The following TLL1 variants were observed in gnomAD, a reference collection of about 807,000 sequenced individuals.
TLL1 encodes tolloid like 1.
TLL1 carries 49 observed loss-of-function variants against 128.2 expected under a neutral mutation model. The observed-to-expected ratio is 0.38, with a 90% CI of 0.30 to 0.48. The LOEUF is 0.48. Ranked by LOEUF, TLL1 falls within the 20% of genes least tolerant of loss-of-function variation. The pLI is 0.96. For synonymous variants in TLL1, 454 were observed against 418.8 expected (o/e 1.08, Z -1.03); for missense variants, 1,123 against 1,242.0 (o/e 0.90, Z 1.44).
At chr4:166,037,114 G>A (rs1404021676) in intron 9 of TLL1, among the ~76,000 whole-genome samples, 2 of 152,096 alleles carry the variant, frequency 1.3e-5, no homozygotes, top group Non-Finnish European at 2.9e-5. Context: ...AAACCTTGGT[G>A]GTTGCTATAG....
intron 1 of TLL1, among the ~76,000 whole-genome samples, chr4:165,910,181 T>A (rs1396256128): frequency 6.6e-6 from 1 of 152,102 alleles, no homozygotes; most frequent in South Asian, 2.1e-4. Context: ...TAAGGCTTAG[T>A]GTGTTTCTGA....
In TLL1 at chr4:165,995,065, C is replaced by T. The variant is rs1167249427; in HGVS notation, c.519C>T (p.Ser173=). ...AACATCACACATTTTTTCTAGGCAGCCAGAGAGCCATGTTCAAGCAGGCCA... is the reference window on the plus strand; with the variant it reads ...AACATCACACATTTTTTCTAGGCAGTCAGAGAGCCATGTTCAAGCAGGCCA... ...PYVIGGNFTG[S]QRAMFKQAMR... is the part of the protein sequence containing the mutation. Residue 173 remains serine (S), a synonymous_variant, in exon 5 of 21, where the codon AGC becomes AGT. Transcript: ENST00000061240. 1.9e-6 allele frequency: 3 copies of T among 1,613,064 alleles called. No homozygotes were observed. Among genetic ancestry groups the T allele is most frequent in the Admixed American group, 1.7e-5 (1 of 59,888 alleles).
chr4:165,903,866 A>C (rs1732125447), intron 1 of TLL1, among the ~76,000 whole-genome samples: 1 of 152,112 alleles, frequency 6.6e-6, no homozygotes, highest in African/African-American at 2.4e-5. Context: ...TCATGGGTGG[A>C]TGCTTACTTC....
At chr4:166,028,309 A>C (rs1382694144) in intron 9 of TLL1, among the ~76,000 whole-genome samples, 1 of 151,962 alleles carries the variant, frequency 6.6e-6, no homozygotes, top group African/African-American at 2.4e-5. Flanking sequence ...TTTTTTCAGT[A>C]ATGTGTTTTT....
At chr4:165,922,142 C>T (rs1733068101) in intron 1 of TLL1, among the ~76,000 whole-genome samples, 1 of 152,124 alleles carries the variant, frequency 6.6e-6, no homozygotes, top group African/African-American at 2.4e-5. Flanking sequence ...TGACCTATGC[C>T]AAGAACACTG....
intron 12 of TLL1, among the ~76,000 whole-genome samples, 154 bp from the exon 13 acceptor site, chr4:166,054,922 T>C (rs956497463): frequency 1.1e-4 from 16 of 152,188 alleles, no homozygotes; most frequent in African/African-American, 3.4e-4. Flanking sequence ...GATATTACAG[T>C]GTACGTTCAT....
chr4:166,021,356 A>G (rs1401662551), intron 8 of TLL1, among the ~76,000 whole-genome samples: 7 of 151,438 alleles, frequency 4.6e-5, no homozygotes, highest in Admixed American at 3.9e-4. Flanking sequence ...ACTGTGGGGA[A>G]CATTGTTGCC....
rs562208153 is a variant in TLL1, at chr4:165,980,881, T to C, written c.170-8500T>C. Among the ~76,000 whole-genome samples, 35 of 152,240 alleles carry C rather than the reference T, an allele frequency of 2.3e-4. No homozygotes were observed. In the South Asian group the frequency reaches 6.2e-3, roughly 27 times the overall value. On this transcript the variant is annotated intron_variant, in intron 1 of 20. Transcript: ENST00000061240. ...ACATTATAATGATAATTAAATTGTCTCAATGTCTGAGTAAAATAAAATGTT... is the reference window on the plus strand; with the variant it reads ...ACATTATAATGATAATTAAATTGTCCCAATGTCTGAGTAAAATAAAATGTT...
chr4:165,888,133 TA>T (rs1731244961), intron 1 of TLL1, among the ~76,000 whole-genome samples: 1 of 152,178 alleles, frequency 6.6e-6, no homozygotes, highest in African/African-American at 2.4e-5. Flanking sequence ...TTAATTTAAT[TA>T]TTTTTTTGCT....
intron 12 of TLL1, among the ~76,000 whole-genome samples, chr4:166,043,649 A>G (rs553646904): frequency 6.6e-6 from 1 of 152,278 alleles, no homozygotes; most frequent in South Asian, 2.1e-4. Context: ...TATCTGTGCT[A>G]TTTGAATTAG....
chr4:166,057,815 C>G (rs1226145220), intron 14 of TLL1, among the ~76,000 whole-genome samples: 2 of 152,072 alleles, frequency 1.3e-5, no homozygotes, highest in African/African-American at 4.8e-5. Context: ...ATCGTGAGAA[C>G]AGCATGGAAA....
At position 166,003,387 on chromosome 4, in the gene TLL1, C is replaced by T; in HGVS notation, c.633-4C>T. 6.2e-7 allele frequency: 1 copy of T among 1,613,902 alleles called. No homozygotes were observed. Among genetic ancestry groups the T allele is most frequent in the Non-Finnish European group, 8.5e-7 (1 of 1,179,874 alleles). Reference sequence around the variant, plus strand: ...CACCATCTCCACTTTCTCTTTTATTCCAGATGCTGCTCCTATGTAGGTCGG... The same window carrying T: ...CACCATCTCCACTTTCTCTTTTATTTCAGATGCTGCTCCTATGTAGGTCGG... On this transcript the variant is annotated splice_region_variant and splice_polypyrimidine_tract_variant and intron_variant, in intron 5 of 20. Coordinates refer to ENST00000061240, the MANE Select transcript of TLL1 (RefSeq NM_012464.5).
At chr4:166,001,958 A>G (rs963971727) in intron 5 of TLL1, among the ~76,000 whole-genome samples, 3 of 152,210 alleles carry the variant, frequency 2.0e-5, no homozygotes, top group Admixed American at 2.0e-4. Context: ...TAGACTGCTC[A>G]TTTGACACAA....
In TLL1 at chr4:166,036,789, CTGTGTGTG is replaced by C. The variant is rs3047083; in HGVS notation, c.1159-2516_1159-2509del. 4.1e-3 allele frequency among the ~76,000 whole-genome samples: 589 copies of C among 145,196 alleles called. 4 individuals are homozygous for C. Among genetic ancestry groups the C allele is most frequent in the African/African-American group, 0.012 (476 of 39,236 alleles). ...TCTGCTTAGAGTTATCCCTATCCAACTGTGTGTGTGTGTGTGTGTGTGTGTGTGTGTGT... is the reference window on the plus strand; with the variant it reads ...TCTGCTTAGAGTTATCCCTATCCAACTGTGTGTGTGTGTGTGTGTGTGTGT... On this transcript the variant is annotated intron_variant, in intron 9 of 20. Coordinates refer to ENST00000061240, the MANE Select transcript of TLL1 (RefSeq NM_012464.5).
At chr4:165,959,996 G>A (rs147878865) in intron 1 of TLL1, among the ~76,000 whole-genome samples, 273 of 152,178 alleles carry the variant, frequency 1.8e-3, no homozygotes, top group African/African-American at 6.1e-3. Flanking sequence ...TATTCGAGCA[G>A]AGCTGAATGA....
At chr4:165,882,155 G>T (rs1456157584) in intron 1 of TLL1, among the ~76,000 whole-genome samples, 1 of 152,122 alleles carries the variant, frequency 6.6e-6, no homozygotes, top group African/African-American at 2.4e-5. Flanking sequence ...TCAAATGCTT[G>T]AAAACTCCTA....
Position 166,007,887 on chromosome 4 carries a change from G to T in TLL1, c.812-56G>T, listed in dbSNP as rs961231881. On this transcript the variant is annotated intron_variant, in intron 6 of 20. Coordinates refer to ENST00000061240, the MANE Select transcript of TLL1 (RefSeq NM_012464.5). The stretch of plus-strand genomic sequence containing the variant: ...ATGCAGGTGTAGGAAAGGCCTTCTG[G>T]TCTATTTTCTGTCAGTTAAAAGGCT... 17 of 1,131,652 alleles carry T rather than the reference G, an allele frequency of 1.5e-5. No individual in the cohort carries two copies. The South Asian group carries it at 1.7e-4, about 12-fold the overall frequency. The allele number at this position is 1,131,652 out of a possible 1,614,324, so 70.1% of individuals were successfully genotyped here.
At chr4:165,930,302 G>A (rs915179079) in intron 1 of TLL1, among the ~76,000 whole-genome samples, 2 of 152,126 alleles carry the variant, frequency 1.3e-5, no homozygotes, top group Non-Finnish European at 2.9e-5. Flanking sequence ...GGTAGTAGTA[G>A]AGGGGTTATA....
chr4:165,898,020 G>T (rs1478581974), intron 1 of TLL1, among the ~76,000 whole-genome samples: 3 of 151,950 alleles, frequency 2.0e-5, no homozygotes, highest in Admixed American at 6.6e-5. Context: ...TCATGATTTG[G>T]CTCTCTGTTT....
Sources: gnomAD v4.1 joint callset for allele counts (sites outside exome capture counted in the v4.1 genomes callset) on GRCh38, gnomAD v4.1.1 for gene constraint, MANE v1.5 for transcripts, NCBI Gene and HGNC (gene_info 2026-07-23, HGNC 2026-07-21) for gene names.